PDE11A: variants seen among roughly 807,000 people sequenced by gnomAD.
PDE11A encodes phosphodiesterase 11A, also known as dual 3',5'-cyclic-AMP and -GMP phosphodiesterase 11A.
A neutral mutation model predicts 100.5 loss-of-function variants in PDE11A; 100 were observed. The ratio of observed to expected loss-of-function variants is 1.00; its 90% CI spans 0.85 to 1.18. The LOEUF is 1.18. PDE11A is among the 50% of genes most tolerant of loss of function. The probability of loss-of-function intolerance (pLI) is 0.00; values close to 1 mark genes in which losing one functional copy is unlikely to be tolerated. For missense variants in PDE11A, 1,141 were observed against 1,152.6 expected (o/e 0.99, Z 0.15); for synonymous variants, 381 against 420.8 (o/e 0.91, Z 1.16).
intron 2 of PDE11A, among the ~76,000 whole-genome samples, chr2:177,940,651 A>C (rs1248052458): frequency 6.6e-6 from 1 of 152,236 alleles, no homozygotes; most frequent in East Asian, 1.9e-4. Flanking sequence ...AAATAATAGG[A>C]ATCAAGAAAT....
rs1396216469 is a variant in PDE11A, at chr2:177,626,996, C to T, written c.*2411G>A. ...GTTTCTTTTTCTTCTTGCTTTTATT[C>T]CCCTCTTAGTCTGGTTTATACTTTT... is the stretch of plus-strand genomic sequence containing the variant. On this transcript the variant is annotated 3_prime_UTR_variant, in exon 20 of 20. Transcript: ENST00000286063. 2 of 108,448 alleles carry T rather than the reference C, an allele frequency of 1.8e-5. No homozygotes were observed. 6.7% of individuals were successfully genotyped at this position (108,448 alleles called of 1,614,324 possible). A position where few individuals can be genotyped will look rare whatever the true frequency, so the allele number is the denominator to read the frequency against.
intron 18 of PDE11A, among the ~76,000 whole-genome samples, chr2:177,665,669 A>T (rs2080564699): frequency 6.6e-6 from 1 of 151,404 alleles, no homozygotes; most frequent in African/African-American, 2.4e-5. Flanking sequence ...CAGCCTGGCC[A>T]ACATGGCGAA....
chr2:177,676,051 C>T, intron 16 of PDE11A: 1 of 202,438 alleles, frequency 4.9e-6, no homozygotes, highest in South Asian at 8.3e-5. Context: ...TATCATTTCA[C>T]TCCAGTTTAC....
At chr2:178,099,606 G>T (rs1375692955) in intron 2 of PDE11A, among the ~76,000 whole-genome samples, 1 of 152,146 alleles carries the variant, frequency 6.6e-6, no homozygotes, top group Non-Finnish European at 1.5e-5. Flanking sequence ...ATAAGTGTTG[G>T]TTGAGAAGTT....
Position 177,727,667 on chromosome 2 carries a change from C to A in PDE11A, c.2034G>T (p.Ala678=). The A allele has an allele frequency of 6.3e-7, 1 of 1,585,458 alleles. No homozygotes were observed. The highest frequency in any genetic ancestry group is 8.7e-7 in the Non-Finnish European group (1 of 1,153,958). ...HAFNVCQLMF[A]MLTTAGFQDI... ...CACTAAGCACACTTACGGTTAACAT[C>A]GCGAACATCAGCTGACACACGTTGA... is the stretch of plus-strand genomic sequence containing the variant. Residue 678 remains alanine, a synonymous_variant, in exon 12 of 20, where the codon GCG becomes GCT. Transcript: ENST00000286063.
intron 4 of PDE11A, among the ~76,000 whole-genome samples, chr2:177,883,223 G>T (rs1011766398): frequency 6.0e-5 from 9 of 149,646 alleles, no homozygotes; most frequent in African/African-American, 2.2e-4. Context: ...GAGCCGAGAT[G>T]CACCACTGCA....
intron 1 of PDE11A, chr2:178,104,481 A>G: frequency 2.5e-6 from 4 of 1,613,256 alleles, no homozygotes; most frequent in Non-Finnish European, 3.4e-6. Context: ...GTTGCTCTGC[A>G]ATGGAACATT....
intron 6 of PDE11A, among the ~76,000 whole-genome samples, chr2:177,823,165 GT>G (rs2083168404): frequency 1.3e-5 from 2 of 152,052 alleles, no homozygotes; most frequent in African/African-American, 4.8e-5. Context: ...TTCGTCCAGT[GT>G]ACTCTTCCAA....
At chr2:177,765,176 C>T (rs190604077) in intron 10 of PDE11A, among the ~76,000 whole-genome samples, 66 of 152,246 alleles carry the variant, frequency 4.3e-4, no homozygotes, top group African/African-American at 1.5e-3. Context: ...AACAGAACAA[C>T]AACACTCTCC....
intron 1 of PDE11A, among the ~76,000 whole-genome samples, chr2:178,060,233 T>C (rs1219366368): frequency 6.6e-6 from 1 of 152,182 alleles, no homozygotes; most frequent in Non-Finnish European, 1.5e-5. Context: ...TGAGCTTCCA[T>C]TGTGTTACTC....
intron 6 of PDE11A, among the ~76,000 whole-genome samples, chr2:177,830,473 C>T (rs1046856377): frequency 6.6e-6 from 1 of 151,908 alleles, no homozygotes; most frequent in African/African-American, 2.4e-5. Flanking sequence ...TGGTGGTGTG[C>T]ACCTGTAATC....
chr2:178,107,177 T>A (rs1214388979), intron 1 of PDE11A, among the ~76,000 whole-genome samples: 1 of 151,900 alleles, frequency 6.6e-6, no homozygotes, highest in East Asian at 1.9e-4. Context: ...TTCTGCCCTC[T>A]CTAATCATAG....
chr2:178,108,319 T>G (rs955384537), exon 1 of PDE11A: 1 of 152,206 alleles, frequency 6.6e-6, no homozygotes, highest in African/African-American at 2.4e-5. Context: ...AAAGAGCACC[T>G]CACGCCCTGG....
intron 10 of PDE11A, among the ~76,000 whole-genome samples, chr2:177,743,090 G>T (rs1233417755): frequency 6.6e-6 from 1 of 152,246 alleles, no homozygotes; most frequent in Non-Finnish European, 1.5e-5. Flanking sequence ...TAATGATGTG[G>T]ATAATAAAGC....
chr2:177,755,489 G>A (rs2082078917), intron 10 of PDE11A, among the ~76,000 whole-genome samples: 2 of 152,188 alleles, frequency 1.3e-5, no homozygotes, highest in African/African-American at 2.4e-5. Flanking sequence ...TGCATGTACT[G>A]TGAAGGACAG....
chr2:177,836,862 C>T (rs2083409670), intron 6 of PDE11A, among the ~76,000 whole-genome samples: 2 of 152,158 alleles, frequency 1.3e-5, no homozygotes, highest in African/African-American at 4.8e-5. Flanking sequence ...GCCAGCGAGA[C>T]CATGAACCCA....
chr2:177,809,060 T>A (rs998499921), intron 9 of PDE11A, among the ~76,000 whole-genome samples: 15 of 152,192 alleles, frequency 9.9e-5, no homozygotes, highest in African/African-American at 3.4e-4. Flanking sequence ...GCTAGAGTAG[T>A]CAAATTCATA....
chr2:178,072,516 C>T lies in PDE11A; in HGVS notation c.-79G>A, dbSNP rs572053164. ...CCCGAGGCCTCTAGCTGTTCCTGCA[C>T]ATGTTCACCCCCACCAGTATTCCCA... On this transcript the variant is annotated 5_prime_UTR_variant, in exon 1 of 20. It adds an upstream start codon to the 5' untranslated region. Coordinates refer to ENST00000286063, the MANE Select transcript of PDE11A (RefSeq NM_016953.4). 5.8e-5 allele frequency: 92 copies of T among 1,587,054 alleles called. No individual in the cohort carries two copies. The highest frequency in any genetic ancestry group is 1.0e-4 in the Admixed American group (6 of 57,238).
intron 2 of PDE11A, among the ~76,000 whole-genome samples, chr2:177,945,777 TG>T (rs1346497216): frequency 1.8e-5 from 2 of 112,414 alleles, no homozygotes; most frequent in Non-Finnish European, 1.8e-5. Context: ...GGGAGGGAGG[TG>T]GGGGGTCAGC....
Sources: allele counts gnomAD v4.1 joint callset (sites outside exome capture counted in the v4.1 genomes callset), GRCh38; gene constraint gnomAD v4.1.1; transcripts MANE v1.5; gene names NCBI Gene and HGNC (gene_info 2026-07-23, HGNC 2026-07-21).